The following SHISA6 variants were observed in gnomAD, a reference collection of about 807,000 sequenced individuals.
SHISA6 encodes protein shisa-6.
SHISA6 carries 22 observed loss-of-function variants against 47.9 expected under a neutral mutation model. The observed-to-expected ratio is 0.46, with a 90% confidence interval of 0.33 to 0.66. The LOEUF is 0.66. Ranked by LOEUF, SHISA6 falls within the 30% of genes least tolerant of loss-of-function variation. SHISA6 has a pLI of 0.02. For synonymous variants in SHISA6, 388 were observed against 337.8 expected (o/e 1.15, Z -1.63); for missense variants, 680 against 764.6 (o/e 0.89, Z 1.30).
intron 3 of SHISA6, among the ~76,000 whole-genome samples, chr17:11,495,761 T>G (rs1289618546): frequency 6.7e-6 from 1 of 149,710 alleles, no homozygotes; most frequent in Admixed American, 6.6e-5. Context: ...TCATATATTA[T>G]GGGCTAACAT....
chr17:11,526,114 C>T (rs1196371459), intron 3 of SHISA6, among the ~76,000 whole-genome samples: 2 of 151,908 alleles, frequency 1.3e-5, no homozygotes, highest in Admixed American at 6.6e-5. Flanking sequence ...AAGGGGACCC[C>T]CCCCCGCTCT....
intron 3 of SHISA6, among the ~76,000 whole-genome samples, chr17:11,477,574 C>G (rs11869871): frequency 8.4e-6 from 1 of 119,352 alleles, no homozygotes; most frequent in Admixed American, 9.9e-5. Flanking sequence ...CCCCCCTCCC[C>G]CCACCCCACA....
chr17:11,267,651 C>A (rs1254254187), intron 2 of SHISA6, among the ~76,000 whole-genome samples: 2 of 152,170 alleles, frequency 1.3e-5, no homozygotes, highest in Admixed American at 1.3e-4. Context: ...GGAAAGCTGT[C>A]AAATAAGGAA....
At chr17:11,478,900 G>T (rs1916143117) in intron 3 of SHISA6, among the ~76,000 whole-genome samples, 1 of 148,426 alleles carries the variant, frequency 6.7e-6, no homozygotes, top group African/African-American at 2.5e-5. Context: ...ACTTGGCGAT[G>T]CGGGCTCTTT....
At chr17:11,448,062 G>T (rs1427086520) in intron 3 of SHISA6, among the ~76,000 whole-genome samples, 5 of 152,186 alleles carry the variant, frequency 3.3e-5, no homozygotes, top group Admixed American at 1.3e-4. Flanking sequence ...GGCACACAAT[G>T]AAAATATAAT....
At chr17:11,250,761 C>T (rs577376060) in intron 1 of SHISA6, among the ~76,000 whole-genome samples, 38 of 152,222 alleles carry the variant, frequency 2.5e-4, no homozygotes, top group African/African-American at 7.9e-4. Flanking sequence ...TAACTCTGCT[C>T]ACGTGTCAGG....
chr17:11,414,426 C>T (rs554136744), intron 3 of SHISA6, among the ~76,000 whole-genome samples: 1 of 152,268 alleles, frequency 6.6e-6, no homozygotes, highest in Non-Finnish European at 1.5e-5. Flanking sequence ...CCACTGGGTT[C>T]CTGTTGAGGC....
intron 2 of SHISA6, among the ~76,000 whole-genome samples, chr17:11,308,652 T>A (rs1910214921): frequency 6.6e-6 from 1 of 152,212 alleles, no homozygotes. Context: ...CATGATTTGT[T>A]CTTTAATAAA....
intron 3 of SHISA6, among the ~76,000 whole-genome samples, chr17:11,468,527 A>AG (rs1364280459): frequency 6.6e-6 from 1 of 152,094 alleles, no homozygotes; most frequent in African/African-American, 2.4e-5. Flanking sequence ...TCTTAGGAGA[A>AG]GGGGGGCTCT....
intron 2 of SHISA6, among the ~76,000 whole-genome samples, chr17:11,327,228 C>T (rs1910927753): frequency 1.3e-5 from 2 of 152,216 alleles, no homozygotes; most frequent in South Asian, 2.1e-4. Context: ...CTTCCTAGGT[C>T]GCATACCATG....
intron 5 of SHISA6, 82 bp downstream of exon 5, chr17:11,555,974 C>G: frequency 7.2e-7 from 1 of 1,382,218 alleles, no homozygotes; most frequent in Non-Finnish European, 9.5e-7. Context: ...TGCTCCATAC[C>G]CCATAGGACA....
rs574930840 is a variant in SHISA6, at chr17:11,393,868, C to T, written c.895+14359C>T. On this transcript the variant is annotated intron_variant, in intron 3 of 5. Transcript: ENST00000441885. ...AAATTGGTTTCTTTTCTGCTCTTCCCTTTTTAGGGCCTTTGCACAGGCTGT... is the reference window on the plus strand; with the variant it reads ...AAATTGGTTTCTTTTCTGCTCTTCCTTTTTTAGGGCCTTTGCACAGGCTGT... Among the ~76,000 whole-genome samples, 8 of 152,284 alleles carry T rather than the reference C, an allele frequency of 5.3e-5. No homozygotes were observed. In the South Asian group the frequency reaches 1.0e-3, roughly 20 times the overall value.
intron 2 of SHISA6, among the ~76,000 whole-genome samples, chr17:11,374,598 A>C (rs1912732242): frequency 6.6e-6 from 1 of 152,018 alleles, no homozygotes; most frequent in Admixed American, 6.5e-5. Flanking sequence ...TTTGTGAAGA[A>C]AGCTTTTCTA....
chr17:11,356,891 G>T (rs569417545), intron 2 of SHISA6, among the ~76,000 whole-genome samples: 18 of 152,142 alleles, frequency 1.2e-4, no homozygotes, highest in Admixed American at 1.2e-3. Flanking sequence ...CCCATTTGCT[G>T]TTGCTCTGCT....
At chr17:11,488,413 C>G (rs1916403064) in intron 3 of SHISA6, among the ~76,000 whole-genome samples, 1 of 152,158 alleles carries the variant, frequency 6.6e-6, no homozygotes, top group Admixed American at 6.5e-5. Context: ...CTTGGCCAGG[C>G]TTTTTGCTGT....
chr17:11,268,189 A>G (rs899194432), intron 2 of SHISA6, among the ~76,000 whole-genome samples: 3 of 152,182 alleles, frequency 2.0e-5, no homozygotes, highest in African/African-American at 4.8e-5. Context: ...GCCCATCTAC[A>G]TACCACTGTG....
intron 3 of SHISA6, among the ~76,000 whole-genome samples, chr17:11,550,902 A>C (rs562119562): frequency 4.2e-4 from 64 of 152,338 alleles, no homozygotes; most frequent in African/African-American, 1.3e-3. Flanking sequence ...GAAATGGGAC[A>C]TAGTGAAGGA....
chr17:11,270,346 A>G (rs571774417), intron 2 of SHISA6, among the ~76,000 whole-genome samples: 1 of 152,356 alleles, frequency 6.6e-6, no homozygotes, highest in African/African-American at 2.4e-5. Context: ...CAGGTTAATG[A>G]GAGAACTTTC....
chr17:11,499,399 T>G (rs1223993662), intron 3 of SHISA6, among the ~76,000 whole-genome samples: 1 of 151,614 alleles, frequency 6.6e-6, no homozygotes, highest in East Asian at 1.9e-4. Context: ...TCATGGAACC[T>G]CACAAACACA....
Sources: allele counts gnomAD v4.1 joint callset (sites outside exome capture counted in the v4.1 genomes callset), GRCh38; gene constraint gnomAD v4.1.1; transcripts MANE v1.5; gene names NCBI Gene and HGNC (gene_info 2026-07-23, HGNC 2026-07-21).